The following RXRA variants were observed in gnomAD, a reference collection of about 807,000 sequenced individuals.
RXRA encodes the protein retinoic acid receptor RXR-alpha.
In RXRA, 5 loss-of-function variants were observed where a neutral mutation model predicts 44.5. The observed-to-expected ratio is 0.11, with a 90% CI of 0.06 to 0.24. RXRA has a LOEUF of 0.24. RXRA is among the 10% of genes least tolerant of loss of function. The pLI is 1.00. For missense variants in RXRA, 412 were observed against 646.5 expected (o/e 0.64, Z 3.93); for synonymous variants, 291 against 271.4 (o/e 1.07, Z -0.71).
rs36067723 is a variant in RXRA, at chr9:134,410,827, C to T, written c.610+1708C>T. On this transcript the variant is annotated intron_variant, in intron 4 of 9. Coordinates refer to ENST00000481739, the MANE Select transcript of RXRA (RefSeq NM_002957.6). The stretch of plus-strand genomic sequence containing the variant: ...CCTGGGGGCTTCAGGGAGACCCCTG[C>T]GAGCTTGGGGGCAGATGAGAGCGCT... Among the ~76,000 whole-genome samples, 334 of 152,336 alleles carry T rather than the reference C, an allele frequency of 2.2e-3. 1 individual carries two copies. The highest frequency in any genetic ancestry group is 3.8e-3 in the Non-Finnish European group (260 of 68,022).
intron 5 of RXRA, among the ~76,000 whole-genome samples, chr9:134,418,846 C>T (rs1831281287): frequency 6.6e-6 from 1 of 152,202 alleles, no homozygotes; most frequent in Admixed American, 6.5e-5. Context: ...GGACAGCGAC[C>T]CCACCCTGCT....
chr9:134,362,933 G>A (rs1830370295), intron 1 of RXRA, among the ~76,000 whole-genome samples: 1 of 152,252 alleles, frequency 6.6e-6, no homozygotes, highest in African/African-American at 2.4e-5. Flanking sequence ...CCCGCTGTCA[G>A]CAGCCACCTC....
intron 1 of RXRA, among the ~76,000 whole-genome samples, chr9:134,369,515 G>A (rs1312844803): frequency 7.7e-6 from 1 of 129,778 alleles, no homozygotes; most frequent in African/African-American, 2.8e-5. Context: ...GGTTGTCTGC[G>A]TGTGTGTGGG....
At chr9:134,400,306 G>T (rs7038973) in intron 1 of RXRA, among the ~76,000 whole-genome samples, 1 of 152,068 alleles carries the variant, frequency 6.6e-6, no homozygotes, top group Non-Finnish European at 1.5e-5. Flanking sequence ...TCTTCCTGGG[G>T]CTGGGGAGGG....
intron 2 of RXRA, chr9:134,406,352 C>T (rs1831049811): frequency 6.7e-6 from 1 of 148,722 alleles, no homozygotes; most frequent in East Asian, 2.0e-4. Flanking sequence ...GTGATTGTGC[C>T]ACTGTCCTCC....
chr9:134,367,276 C>G (rs956780245), intron 1 of RXRA, among the ~76,000 whole-genome samples: 1 of 152,182 alleles, frequency 6.6e-6, no homozygotes, highest in African/African-American at 2.4e-5. Context: ...TGATCTCCCT[C>G]CATCTTCACA....
At chr9:134,358,986 C>T (rs770987419) in intron 1 of RXRA, among the ~76,000 whole-genome samples, 1 of 152,186 alleles carries the variant, frequency 6.6e-6, no homozygotes, top group Non-Finnish European at 1.5e-5. Context: ...ACCCCATGCC[C>T]AGTTCTGGAA....
chr9:134,404,315 G>C (rs573182064), intron 2 of RXRA: 2 of 152,602 alleles, frequency 1.3e-5, no homozygotes, highest in African/African-American at 4.8e-5. Flanking sequence ...AGGAGTCTGG[G>C]GGGGCTTGGG....
intron 1 of RXRA, among the ~76,000 whole-genome samples, chr9:134,363,568 C>T (rs1223345211): frequency 1.3e-5 from 2 of 152,244 alleles, no homozygotes; most frequent in Non-Finnish European, 2.9e-5. Flanking sequence ...GCCTACACTG[C>T]CCTCCAGGGA....
At chr9:134,421,617 G>T in intron 5 of RXRA, 59 bp from the exon 6 acceptor site, 1 of 1,521,090 alleles carries the variant, frequency 6.6e-7, no homozygotes, top group Non-Finnish European at 8.8e-7. Flanking sequence ...TCTGGGCTGT[G>T]TTTGGTCAGT....
rs1831075416 is a variant in RXRA, at chr9:134,407,655, T to C, written c.280-494T>C. On this transcript the variant is annotated intron_variant, in intron 2 of 9. Transcript: ENST00000481739. The surrounding 1 kb of genome is among the most constrained non-coding windows in gnomAD (Gnocchi z 4.8). Reference sequence around the variant, plus strand: ...GCCCCTGCCCTGCGGTGTTGTGGGGTGTATGTGTGGTTCTTGGGGGGGTCC... The same window carrying C: ...GCCCCTGCCCTGCGGTGTTGTGGGGCGTATGTGTGGTTCTTGGGGGGGTCC... Among the ~76,000 whole-genome samples the C allele has an allele frequency of 6.6e-6, 1 of 150,776 alleles. No homozygotes were observed. Among genetic ancestry groups the C allele is most frequent in the South Asian group, 2.1e-4 (1 of 4,760 alleles).
At chr9:134,359,087 G>A (rs1830318749) in intron 1 of RXRA, among the ~76,000 whole-genome samples, 1 of 152,170 alleles carries the variant, frequency 6.6e-6, no homozygotes, top group African/African-American at 2.4e-5. Flanking sequence ...TGTAGCCAGG[G>A]GCGGAGGAAG....
Position 134,408,134 on chromosome 9 carries a change from G to A in RXRA, c.280-15G>A. 6.6e-7 allele frequency: 1 copy of A among 1,525,712 alleles called. No individual in the cohort carries two copies. Among genetic ancestry groups the A allele is most frequent in the Non-Finnish European group, 8.8e-7 (1 of 1,142,226 alleles). 94.5% of individuals were successfully genotyped at this position (1,525,712 alleles called of 1,614,324 possible). ...TGGTGTACACCCCGCTGACTGCTGT[G>A]GTTGCCCCCCCCAGCTCAGCTCACC... On this transcript the variant is annotated splice_polypyrimidine_tract_variant and intron_variant, in intron 2 of 9. Coordinates refer to ENST00000481739, the MANE Select transcript of RXRA (RefSeq NM_002957.6).
chr9:134,396,093 A>G (rs1830874528), intron 1 of RXRA, among the ~76,000 whole-genome samples: 1 of 152,132 alleles, frequency 6.6e-6, no homozygotes. Flanking sequence ...TGGCATGCCC[A>G]TTTTACAGAA....
At chr9:134,350,579 C>T (rs1282272222) in intron 1 of RXRA, among the ~76,000 whole-genome samples, 1 of 152,222 alleles carries the variant, frequency 6.6e-6, no homozygotes, top group Non-Finnish European at 1.5e-5. Context: ...ACTGTGTGGG[C>T]CTCTGTGCTG....
chr9:134,426,743 CTGCAGGA>C lies in RXRA; in HGVS notation c.911-2362_911-2356del, dbSNP rs747952006. 262 of 985,272 alleles carry C rather than the reference CTGCAGGA, an allele frequency of 2.7e-4. No individual in the cohort carries two copies. Among genetic ancestry groups the C allele is most frequent in the Non-Finnish European group, 3.1e-4 (260 of 829,914 alleles). 61.0% of individuals were successfully genotyped at this position (985,272 alleles called of 1,614,324 possible). ...CCACTGCTCAGGTAAACCCCCAGGCCTGCAGGATGTGAGGGAGAGAGGCAGGCCCGAG... is the reference window on the plus strand; with the variant it reads ...CCACTGCTCAGGTAAACCCCCAGGCCTGTGAGGGAGAGAGGCAGGCCCGAG... On this transcript the variant is annotated intron_variant, in intron 6 of 9. Coordinates refer to ENST00000481739, the MANE Select transcript of RXRA (RefSeq NM_002957.6). The surrounding 1 kb of genome is among the most constrained non-coding windows in gnomAD (Gnocchi z 4.6).
intron 1 of RXRA, among the ~76,000 whole-genome samples, chr9:134,358,925 C>A (rs1022509925): frequency 6.6e-6 from 1 of 152,190 alleles, no homozygotes; most frequent in African/African-American, 2.4e-5. Flanking sequence ...AGCTCTGGGG[C>A]CAACAGCCCC....
chr9:134,428,843 C>T (rs999193536), intron 6 of RXRA, among the ~76,000 whole-genome samples: 1 of 152,224 alleles, frequency 6.6e-6, no homozygotes, highest in Non-Finnish European at 1.5e-5. Flanking sequence ...TTCTGGGGCA[C>T]ATGAGTTTGT....
intron 1 of RXRA, among the ~76,000 whole-genome samples, chr9:134,328,229 A>G (rs75619434): frequency 0.033 from 4,998 of 152,296 alleles, 105 homozygotes; most frequent in African/African-American, 0.057. Flanking sequence ...TGCTCAGCTC[A>G]GTGTCTGGCC....
Sources: gnomAD v4.1 joint callset for allele counts (sites outside exome capture counted in the v4.1 genomes callset) on GRCh38, gnomAD v4.1.1 for gene constraint, Gnocchi (gnomAD v3.1) non-coding constraint, MANE v1.5 for transcripts, NCBI Gene and HGNC (gene_info 2026-07-23, HGNC 2026-07-21) for gene names.